TRIM49C: variants seen among roughly 807,000 people sequenced by gnomAD.
TRIM49C encodes tripartite motif containing 49C.
TRIM49C carries 6 observed loss-of-function variants against 21.4 expected under a neutral mutation model. The ratio of observed to expected loss-of-function variants is 0.28; its 90% CI spans 0.15 to 0.55. TRIM49C has a LOEUF of 0.55. Among genes scored for constraint, TRIM49C ranks in the 20% least tolerant of loss-of-function variants. TRIM49C has a pLI of 0.94. For missense variants in TRIM49C, 161 were observed against 442.4 expected, an observed-to-expected ratio of 0.36 and a Z score of 5.71; for synonymous variants, 57 against 148.1, an observed-to-expected ratio of 0.38 and a Z score of 4.47.
chr11:90,060,050 TCTA>T, the TRIM49C span, among the ~76,000 whole-genome samples: 1 of 141,440 alleles, frequency 7.1e-6, no homozygotes, highest in Admixed American at 7.2e-5. Flanking sequence ...GCAAATTGTT[TCTA>T]TGTATATTTT....
chr11:90,054,341 C>A, the TRIM49C span, among the ~76,000 whole-genome samples: 2 of 133,328 alleles, frequency 1.5e-5, no homozygotes, highest in Non-Finnish European at 1.6e-5. Flanking sequence ...TGTTCTCCTT[C>A]CCTTCTAATG....
At chr11:90,060,284 A>G in the TRIM49C span, among the ~76,000 whole-genome samples, 3 of 140,764 alleles carry the variant, frequency 2.1e-5, no homozygotes, top group Non-Finnish European at 3.1e-5. Flanking sequence ...GCAAAAAAAT[A>G]TATATATAAT....
At chr11:90,038,180 C>T (rs1276324970) in intron 5 of TRIM49C, among the ~76,000 whole-genome samples, 1 of 123,846 alleles carries the variant, frequency 8.1e-6, no homozygotes, top group African/African-American at 3.2e-5. Context: ...ACTTTATCCA[C>T]CAGCCACAAA....
chr11:90,043,997 AT>A (rs1659793012), downstream of TRIM49C, among the ~76,000 whole-genome samples: 1 of 54,284 alleles, frequency 1.8e-5, no homozygotes, highest in Admixed American at 2.6e-4. Context: ...TCACTGTTCA[AT>A]TCCCACCTAT....
downstream of TRIM49C, among the ~76,000 whole-genome samples, chr11:90,046,732 T>C (rs1210416067): frequency 1.6e-4 from 20 of 125,394 alleles, 3 homozygotes; most frequent in Non-Finnish European, 3.2e-4. Context: ...CTGGATTCAC[T>C]GATTTTTTGA....
the TRIM49C span, chr11:90,052,488 C>G: frequency 3.7e-5 from 7 of 189,920 alleles, no homozygotes; most frequent in South Asian, 6.3e-4. Context: ...GCGCGGACAG[C>G]TCGCAGTTCC....
the TRIM49C span, chr11:90,062,849 C>A: frequency 4.3e-6 from 6 of 1,393,086 alleles, 1 homozygote; most frequent in African/African-American, 4.0e-5. Flanking sequence ...AAGGGCAGCG[C>A]ATTGGTGCTC....
At chr11:90,060,229 T>C in the TRIM49C span, among the ~76,000 whole-genome samples, 9 of 139,444 alleles carry the variant, frequency 6.5e-5, no homozygotes, top group Non-Finnish European at 4.6e-5. Flanking sequence ...AAATAACATT[T>C]TTTTTTAGTG....
chr11:90,041,481 A>T lies in TRIM49C; in HGVS notation c.1290A>T (p.Leu430=), dbSNP rs755009471. 1.3e-6 allele frequency: 2 copies of T among 1,514,452 alleles called. No homozygotes were observed. The highest frequency in any genetic ancestry group is 3.3e-5 in the African/African-American group (2 of 60,182). 93.8% of individuals were successfully genotyped at this position (1,514,452 alleles called of 1,614,324 possible). ...TTGTTGATGTTAATCAAAGCTCCCT[A>T]ATATACACCATCCCTAATTGCTCTT... The part of the protein sequence containing the change: ...VSFVDVNQSS[L]IYTIPNCSFS... The change falls in exon 8 of 8, where the codon CTA becomes CTT. Residue 430 remains leucine, a synonymous_variant. Coordinates refer to ENST00000448984, the MANE Select transcript of TRIM49C (RefSeq NM_001195234.1).
intron 7 of TRIM49C, among the ~76,000 whole-genome samples, 187 bp from the exon 8 acceptor site, chr11:90,040,864 A>G (rs1474792651): frequency 2.7e-5 from 4 of 146,276 alleles, no homozygotes; most frequent in African/African-American, 7.5e-5. Flanking sequence ...AAAAAACATA[A>G]TATCTGTGGT....
chr11:90,057,540 T>C, the TRIM49C span: 1 of 711,954 alleles, frequency 1.4e-6, no homozygotes, highest in Non-Finnish European at 2.0e-6. Context: ...ACACATAGTG[T>C]CTTAGGACAG....
At chr11:90,068,554 TC>T in the TRIM49C span, among the ~76,000 whole-genome samples, 3 of 145,276 alleles carry the variant, frequency 2.1e-5, no homozygotes, top group Non-Finnish European at 3.0e-5. Context: ...AATACTTTTT[TC>T]TTCAAAATAT....
chr11:90,072,142 T>C, the TRIM49C span, among the ~76,000 whole-genome samples: 1 of 141,592 alleles, frequency 7.1e-6, no homozygotes, highest in Non-Finnish European at 1.5e-5. Flanking sequence ...TTCAGTGCAG[T>C]TAATGACTGA....
At chr11:90,033,563 G>A in intron 2 of TRIM49C, among the ~76,000 whole-genome samples, 1 of 130,206 alleles carries the variant, frequency 7.7e-6, no homozygotes, top group East Asian at 2.3e-4. Context: ...GTAGCCTATT[G>A]TAGGAACAAT....
chr11:90,071,207 C>T, the TRIM49C span: 15 of 490,262 alleles, frequency 3.1e-5, 1 homozygote, highest in South Asian at 1.7e-4. Context: ...GAGCACAAGG[C>T]GTGCTGTGAA....
chr11:90,060,339 T>C, the TRIM49C span, among the ~76,000 whole-genome samples: 1 of 150,426 alleles, frequency 6.6e-6, no homozygotes, highest in Non-Finnish European at 1.5e-5. Flanking sequence ...TCTCATACTC[T>C]TGTTTCTTTC....
rs754659128 is a variant in TRIM49C, at chr11:90,039,444, AG to A, written c.762-418del. Among the ~76,000 whole-genome samples the A allele has an allele frequency of 5.4e-5, 7 of 129,586 alleles. 2 individuals carry two copies. The highest frequency in any genetic ancestry group is 1.1e-4 in the Non-Finnish European group (7 of 61,608). The allele number at this position is 129,586 out of a possible 152,430, so 85.0% of individuals were successfully genotyped here. A position where few individuals can be genotyped will look rare whatever the true frequency, so the allele number is the denominator to read the frequency against. Reference sequence around the variant, plus strand: ...GAGTGTTAGAACTGTATAAGTCTCTAGGGAAGTTCTTTGCTAAAAGGGGAGA... The same window carrying A: ...GAGTGTTAGAACTGTATAAGTCTCTAGGAAGTTCTTTGCTAAAAGGGGAGA... On this transcript the variant is annotated intron_variant, in intron 6 of 7. Coordinates refer to ENST00000448984, the MANE Select transcript of TRIM49C (RefSeq NM_001195234.1).
At chr11:90,064,101 G>T in the TRIM49C span, among the ~76,000 whole-genome samples, 1 of 137,182 alleles carries the variant, frequency 7.3e-6, no homozygotes, top group African/African-American at 2.7e-5. Flanking sequence ...TATGAAGTTT[G>T]CTCAGACAAT....
the TRIM49C span, chr11:90,073,289 G>C: frequency 9.7e-7 from 1 of 1,035,470 alleles, no homozygotes; most frequent in Non-Finnish European, 1.4e-6. Context: ...AAGTGGAAGT[G>C]TGAGTTTTTT....
Sources: allele counts gnomAD v4.1 joint callset (sites outside exome capture counted in the v4.1 genomes callset), GRCh38; gene constraint gnomAD v4.1.1; transcripts MANE v1.5; gene names NCBI Gene and HGNC (gene_info 2026-07-23, HGNC 2026-07-21).